Variants in RFTN1 observed in about 807,000 individuals in gnomAD.
RFTN1 encodes the protein raftlin.
Under a neutral mutation model 46.5 loss-of-function variants are expected in RFTN1, and 26 were observed. That is an observed-to-expected ratio of 0.56 (90% CI 0.41 to 0.78). The LOEUF (loss-of-function observed/expected upper bound fraction) is 0.78, where lower values mean the gene tolerates loss of function less well. Among genes scored for constraint, RFTN1 ranks in the 30% least tolerant of loss-of-function variants. The probability of loss-of-function intolerance (pLI) is 0.00; values close to 1 mark genes in which losing one functional copy is unlikely to be tolerated. For synonymous variants in RFTN1, 261 were observed against 284.2 expected (o/e 0.92, Z 0.82); for missense variants, 693 against 718.7 (o/e 0.96, Z 0.41).
chr3:16,373,520 C>G (rs528103393), intron 5 of RFTN1, among the ~76,000 whole-genome samples: 1 of 152,174 alleles, frequency 6.6e-6, no homozygotes, highest in Non-Finnish European at 1.5e-5. Flanking sequence ...TGTACCTGGG[C>G]GTGGGGACTC....
intron 2 of RFTN1, among the ~76,000 whole-genome samples, chr3:16,472,281 A>G (rs1426531113): frequency 6.6e-6 from 1 of 152,160 alleles, no homozygotes; most frequent in Non-Finnish European, 1.5e-5. Context: ...TGAGAAAGGC[A>G]AAGTGTTCTT....
chr3:16,338,339 G>A lies in RFTN1; in HGVS notation c.1147-11463C>T, dbSNP rs993171462. On this transcript the variant is annotated intron_variant, in intron 7 of 9. Transcript: ENST00000334133. The surrounding 1 kb of genome is among the most constrained non-coding windows in gnomAD (Gnocchi z 5.3). ...AAGGTAATGAGGCCGGACATGCGGC[G>A]GCTAAGGGGCGATGGCTGGGGCCAA... Among the ~76,000 whole-genome samples the A allele has an allele frequency of 2.0e-5, 3 of 152,238 alleles. No individual in the cohort carries two copies. The highest frequency in any genetic ancestry group is 4.4e-5 in the Non-Finnish European group (3 of 68,040).
At chr3:16,391,893 TGTTTTTTTTA>T (rs1559318045) in intron 4 of RFTN1, among the ~76,000 whole-genome samples, 1 of 27,982 alleles carries the variant, frequency 3.6e-5, no homozygotes. Flanking sequence ...TTTTTTTTTT[TGTTTTTTTTA>T]CGGGGAAGAA....
Position 16,352,618 on chromosome 3 carries a change from G to T in RFTN1, c.1146+5314C>A, listed in dbSNP as rs1423701342. On this transcript the variant is annotated intron_variant, in intron 7 of 9. Transcript: ENST00000334133. This position sits in a 1 kb window ranked among gnomAD's most constrained non-coding sequence, Gnocchi z 4.6. ...TAGCCCAACCTCCTCTGTGCTTTTAGCATAAAACGAAGGCAATGGGGGGAG... is the reference window on the plus strand; with the variant it reads ...TAGCCCAACCTCCTCTGTGCTTTTATCATAAAACGAAGGCAATGGGGGGAG... 6.6e-6 allele frequency among the ~76,000 whole-genome samples: 1 copy of T among 152,178 alleles called. No homozygotes were observed. Among genetic ancestry groups the T allele is most frequent in the African/African-American group, 2.4e-5 (1 of 41,454 alleles).
chr3:16,438,437 T>C (rs1033573015), intron 2 of RFTN1, among the ~76,000 whole-genome samples: 6 of 151,428 alleles, frequency 4.0e-5, no homozygotes, highest in Non-Finnish European at 8.8e-5. Context: ...ATACAAAAAT[T>C]AGCTGCGCAT....
chr3:16,482,802 AGAGG>A, intron 2 of RFTN1: 1 of 1,536,182 alleles, frequency 6.5e-7, no homozygotes, highest in South Asian at 1.2e-5. Context: ...GGATCCCCAG[AGAGG>A]CCAGGGAGGG....
chr3:16,389,807 C>G (rs1369420565), intron 4 of RFTN1, among the ~76,000 whole-genome samples: 1 of 152,204 alleles, frequency 6.6e-6, no homozygotes, highest in Non-Finnish European at 1.5e-5. Flanking sequence ...CCCATGTCCC[C>G]TGTACTTCAA....
chr3:16,433,836 C>T lies in RFTN1; in HGVS notation c.332+15G>A, dbSNP rs1350205950. 6.2e-7 allele frequency: 1 copy of T among 1,613,738 alleles called. No homozygotes were observed. ...CCGCAACAGGATGCTACCCATTCAC[C>T]CGTGGAGGCCTTACCTGTCGGTTTT... is the stretch of plus-strand genomic sequence containing the variant. On this transcript the variant is annotated intron_variant, in intron 3 of 9. Coordinates refer to ENST00000334133, the MANE Select transcript of RFTN1 (RefSeq NM_015150.2). The surrounding 1 kb of genome is among the most constrained non-coding windows in gnomAD (Gnocchi z 4.4).
chr3:16,384,227 C>T lies in RFTN1; in HGVS notation c.442-6125G>A, dbSNP rs999020171. 2.0e-5 allele frequency among the ~76,000 whole-genome samples: 3 copies of T among 152,216 alleles called. No homozygotes were observed. Among genetic ancestry groups the T allele is most frequent in the African/African-American group, 7.2e-5 (3 of 41,450 alleles). ...TGAATGTCCAGTCTGCTGGACTGCCCTGCAGATGTCAGACTTGTTGGCCCC... is the reference window on the plus strand; with the variant it reads ...TGAATGTCCAGTCTGCTGGACTGCCTTGCAGATGTCAGACTTGTTGGCCCC... On this transcript the variant is annotated intron_variant, in intron 4 of 9. Transcript: ENST00000334133. This position sits in a 1 kb window ranked among gnomAD's most constrained non-coding sequence, Gnocchi z 4.7.
chr3:16,356,090 C>T lies in RFTN1; in HGVS notation c.1146+1842G>A, dbSNP rs2072417115. Among the ~76,000 whole-genome samples, 1 of 152,188 alleles carries T rather than the reference C, an allele frequency of 6.6e-6. No homozygotes were observed. The highest frequency in any genetic ancestry group is 1.5e-5 in the Non-Finnish European group (1 of 68,046). ...CAACTCTTGGCATTTCATATTTCACCACCACCTGGAGCCTTCACTCCACCA... is the reference window on the plus strand; with the variant it reads ...CAACTCTTGGCATTTCATATTTCACTACCACCTGGAGCCTTCACTCCACCA... On this transcript the variant is annotated intron_variant, in intron 7 of 9. Transcript: ENST00000334133. The surrounding 1 kb of genome is among the most constrained non-coding windows in gnomAD (Gnocchi z 4.9).
At chr3:16,409,337 G>T (rs746953361) in intron 4 of RFTN1, 38 bp downstream of exon 4, 3 of 1,408,482 alleles carry the variant, frequency 2.1e-6, no homozygotes, top group South Asian at 1.1e-5. Flanking sequence ...GGGAACACTC[G>T]CAAACCTCTT....
intron 6 of RFTN1, among the ~76,000 whole-genome samples, chr3:16,366,268 G>T (rs2073165112): frequency 6.6e-6 from 1 of 151,972 alleles, no homozygotes; most frequent in African/African-American, 2.4e-5. Context: ...GGTCTTCAGG[G>T]GTGGGCAGCC....
At chr3:16,414,975 A>G (rs555617877) in intron 3 of RFTN1, among the ~76,000 whole-genome samples, 1 of 152,270 alleles carries the variant, frequency 6.6e-6, no homozygotes, top group East Asian at 1.9e-4. Context: ...AGAATGACAG[A>G]GGAAGTCCGT....
chr3:16,353,286 C>T lies in RFTN1; in HGVS notation c.1146+4646G>A, dbSNP rs796293438. On this transcript the variant is annotated intron_variant, in intron 7 of 9. Transcript: ENST00000334133. The surrounding 1 kb of genome is among the most constrained non-coding windows in gnomAD (Gnocchi z 5.4). ...GTAGCTGGGTCTCAAGGGTAGAAGA[C>T]GTGAGAGCTGGAAAAATGCCCCCAG... is the stretch of plus-strand genomic sequence containing the variant. Among the ~76,000 whole-genome samples, 4 of 152,220 alleles carry T rather than the reference C, an allele frequency of 2.6e-5. No individual in the cohort carries two copies. Among genetic ancestry groups the T allele is most frequent in the African/African-American group, 2.4e-5 (1 of 41,538 alleles).
In RFTN1 at chr3:16,348,287, TAGG is replaced by T. The variant is rs1472945513; in HGVS notation, c.1146+9642_1146+9644del. Reference sequence around the variant, plus strand: ...GACATTATCCATAATCAGAGGCGTCTAGGAGATCACCCACATTATCTATTATTG... The same window carrying T: ...GACATTATCCATAATCAGAGGCGTCTAGATCACCCACATTATCTATTATTG... On this transcript the variant is annotated intron_variant, in intron 7 of 9. Transcript: ENST00000334133. This position sits in a 1 kb window ranked among gnomAD's most constrained non-coding sequence, Gnocchi z 6.3. Among the ~76,000 whole-genome samples, 4 of 152,080 alleles carry T rather than the reference TAGG, an allele frequency of 2.6e-5. No individual in the cohort carries two copies. The highest frequency in any genetic ancestry group is 5.9e-5 in the Non-Finnish European group (4 of 68,010).
At chr3:16,375,148 A>G (rs1273808972) in intron 5 of RFTN1, among the ~76,000 whole-genome samples, 1 of 152,058 alleles carries the variant, frequency 6.6e-6, no homozygotes, top group African/African-American at 2.4e-5. Context: ...ACCCTCCCTT[A>G]GGGGGCTCTG....
At chr3:16,436,251 G>T (rs1243143424) in intron 2 of RFTN1, among the ~76,000 whole-genome samples, 1 of 150,594 alleles carries the variant, frequency 6.6e-6, no homozygotes, top group African/African-American at 2.4e-5. Flanking sequence ...CTATTGGTTT[G>T]TAAGAACTCT....
intron 4 of RFTN1, among the ~76,000 whole-genome samples, chr3:16,378,600 AC>A (rs1263908341): frequency 6.6e-6 from 1 of 152,168 alleles, no homozygotes; most frequent in Non-Finnish European, 1.5e-5. Context: ...TCCTTTTTGG[AC>A]AATAGTTTTG....
At chr3:16,505,933 C>A (rs957361157) in intron 1 of RFTN1, among the ~76,000 whole-genome samples, 1 of 152,106 alleles carries the variant, frequency 6.6e-6, no homozygotes, top group Non-Finnish European at 1.5e-5. Flanking sequence ...GTTCTAAATG[C>A]CAGTGATACC....
Sources: gnomAD v4.1 joint callset for allele counts (sites outside exome capture counted in the v4.1 genomes callset) on GRCh38, gnomAD v4.1.1 for gene constraint, Gnocchi (gnomAD v3.1) non-coding constraint, MANE v1.5 for transcripts, NCBI Gene and HGNC (gene_info 2026-07-23, HGNC 2026-07-21) for gene names.